PDZD2: variants seen among roughly 807,000 people sequenced by gnomAD.
PDZD2 encodes PDZ domain containing 2.
Under a neutral mutation model 220.7 loss-of-function variants are expected in PDZD2, and 90 were observed. That is an observed-to-expected ratio of 0.41 (90% CI 0.34 to 0.49). The LOEUF (loss-of-function observed/expected upper bound fraction) is 0.49. Among genes scored for constraint, PDZD2 ranks in the 20% least tolerant of loss-of-function variants. The pLI, the probability that PDZD2 is intolerant of heterozygous loss-of-function variation, is 0.28. For synonymous variants in PDZD2, 1,375 were observed against 1,450.5 expected (o/e 0.95, Z 1.18); for missense variants, 3,174 against 3,608.5 (o/e 0.88, Z 3.08).
At chr5:32,046,795 C>T (rs531112029) in intron 7 of PDZD2, among the ~76,000 whole-genome samples, 34 of 152,008 alleles carry the variant, frequency 2.2e-4, no homozygotes, top group Non-Finnish European at 4.1e-4. Flanking sequence ...GTAATCCCAG[C>T]ATTTTGGGAG....
rs563674840 is a variant in PDZD2, at chr5:32,066,238, G to A, written c.2452-3331G>A. On this transcript the variant is annotated intron_variant, in intron 14 of 24. Coordinates refer to ENST00000438447, the MANE Select transcript of PDZD2 (RefSeq NM_178140.4). ...TACATGCCTATAATCCCAGCTACTCGGGAGGCTGAGGCAGGAGAATTGCTT... is the reference window on the plus strand; with the variant it reads ...TACATGCCTATAATCCCAGCTACTCAGGAGGCTGAGGCAGGAGAATTGCTT... Among the ~76,000 whole-genome samples the A allele has an allele frequency of 4.0e-5, 6 of 151,612 alleles. No individual in the cohort carries two copies. The East Asian group carries it at 7.8e-4, about 20-fold the overall frequency.
rs74424454 is a variant in PDZD2, at chr5:31,655,855, T to C, written c.-361+16418T>C. 2.0e-5 allele frequency among the ~76,000 whole-genome samples: 3 copies of C among 152,246 alleles called. No individual in the cohort carries two copies. The South Asian group carries it at 6.2e-4, about 32-fold the overall frequency. Reference sequence around the variant, plus strand: ...GTTGTTTTTCTCCTTTTAAGGACTTTGCCTCTGTGGCATATGTTGTTGCAT... The same window carrying C: ...GTTGTTTTTCTCCTTTTAAGGACTTCGCCTCTGTGGCATATGTTGTTGCAT... On this transcript the variant is annotated intron_variant, in intron 1 of 24. Coordinates refer to ENST00000438447, the MANE Select transcript of PDZD2 (RefSeq NM_178140.4).
chr5:32,102,326 C>T (rs952706356), intron 24 of PDZD2, among the ~76,000 whole-genome samples: 4 of 151,986 alleles, frequency 2.6e-5, no homozygotes, highest in African/African-American at 4.8e-5. Flanking sequence ...GCTCAGCACC[C>T]CTGTGGGCAG....
intron 1 of PDZD2, among the ~76,000 whole-genome samples, chr5:31,727,853 AT>A (rs1749264595): frequency 1.3e-5 from 2 of 149,954 alleles, no homozygotes; most frequent in Non-Finnish European, 3.0e-5. Context: ...AATACAAAAA[AT>A]TTTGCCGGGT....
At chr5:31,811,046 C>T (rs932600805) in intron 2 of PDZD2, among the ~76,000 whole-genome samples, 14 of 152,076 alleles carry the variant, frequency 9.2e-5, no homozygotes, top group African/African-American at 2.9e-4. Flanking sequence ...CACAATGGCA[C>T]GATCTTGGTT....
chr5:32,091,632 A>G (rs1251973837), intron 20 of PDZD2, among the ~76,000 whole-genome samples: 1 of 152,174 alleles, frequency 6.6e-6, no homozygotes, highest in African/African-American at 2.4e-5. Flanking sequence ...ACCACGGTCC[A>G]TTCGTCAAAA....
chr5:31,915,700 T>C (rs1743619043), intron 2 of PDZD2, among the ~76,000 whole-genome samples: 1 of 152,172 alleles, frequency 6.6e-6, no homozygotes, highest in South Asian at 2.1e-4. Context: ...CACTTAACTC[T>C]TCGTAGAGAC....
intron 1 of PDZD2, chr5:31,725,426 GT>G (rs1749066307): frequency 1.8e-6 from 2 of 1,121,200 alleles, no homozygotes; most frequent in Non-Finnish European, 2.4e-6. Context: ...ACTAACAAGT[GT>G]TTTTTAAGCA....
chr5:32,050,736 G>A (rs575817931), intron 8 of PDZD2, among the ~76,000 whole-genome samples: 69 of 152,230 alleles, frequency 4.5e-4, no homozygotes, highest in Non-Finnish European at 8.5e-4. Flanking sequence ...TGGGAGGATC[G>A]CTTGAGCCCA....
chr5:31,858,473 G>A (rs1376859892), intron 2 of PDZD2, among the ~76,000 whole-genome samples: 1 of 152,064 alleles, frequency 6.6e-6, no homozygotes, highest in Non-Finnish European at 1.5e-5. Context: ...CTGAGTGTAG[G>A]CCAAACTAAC....
chr5:31,690,309 C>G (rs780856847), intron 1 of PDZD2, among the ~76,000 whole-genome samples: 1 of 152,022 alleles, frequency 6.6e-6, no homozygotes, highest in African/African-American at 2.4e-5. Flanking sequence ...ACAGCCTTGC[C>G]AAGTGTCTGG....
chr5:32,056,680 C>T (rs927316438), intron 10 of PDZD2, among the ~76,000 whole-genome samples: 3 of 152,092 alleles, frequency 2.0e-5, no homozygotes, highest in Non-Finnish European at 4.4e-5. Flanking sequence ...GGGCCATGTG[C>T]GAGCATATTC....
chr5:31,971,013 T>TTC (rs1402461358), intron 2 of PDZD2, among the ~76,000 whole-genome samples: 1 of 152,186 alleles, frequency 6.6e-6, no homozygotes, highest in Non-Finnish European at 1.5e-5. Context: ...GCATTCAGAA[T>TTC]AGGTCAGATA....
chr5:31,755,826 T>C (rs1051085127), intron 1 of PDZD2, among the ~76,000 whole-genome samples: 1 of 152,112 alleles, frequency 6.6e-6, no homozygotes, highest in Admixed American at 6.6e-5. Flanking sequence ...GGCTATGTCA[T>C]GAGTGGGCAG....
chr5:31,737,291 G>C (rs1461523361), intron 1 of PDZD2, among the ~76,000 whole-genome samples: 1 of 147,308 alleles, frequency 6.8e-6, no homozygotes, highest in African/African-American at 2.5e-5. Flanking sequence ...TCCTGCCTCA[G>C]CCTCCTGAGT....
chr5:31,989,531 T>C (rs146064695), intron 3 of PDZD2, among the ~76,000 whole-genome samples: 2,829 of 151,170 alleles, frequency 0.019, 93 homozygotes, highest in African/African-American at 0.065. Context: ...CAAGCAATTC[T>C]CCTGCCTCAG....
chr5:31,941,085 G>A (rs1421349800), intron 2 of PDZD2, among the ~76,000 whole-genome samples: 2 of 152,206 alleles, frequency 1.3e-5, no homozygotes, highest in African/African-American at 4.8e-5. Flanking sequence ...GTCTTCATTT[G>A]AATGGCACAA....
chr5:31,864,493 C>G (rs573142277), intron 2 of PDZD2, among the ~76,000 whole-genome samples: 1 of 151,978 alleles, frequency 6.6e-6, no homozygotes, highest in Non-Finnish European at 1.5e-5. Flanking sequence ...ATGCCAGTTA[C>G]GTTTACTACA....
chr5:31,880,285 T>TC (rs2150335196), intron 2 of PDZD2, among the ~76,000 whole-genome samples: 1 of 152,288 alleles, frequency 6.6e-6, no homozygotes, highest in African/African-American at 2.4e-5. Flanking sequence ...TATATGAAAC[T>TC]CCATTAAGAT....
Sources: gnomAD v4.1 joint callset for allele counts (sites outside exome capture counted in the v4.1 genomes callset) on GRCh38, gnomAD v4.1.1 for gene constraint, MANE v1.5 for transcripts, NCBI Gene and HGNC (gene_info 2026-07-23, HGNC 2026-07-21) for gene names.